CDH22: variants seen among roughly 807,000 people sequenced by gnomAD.
CDH22 encodes cadherin 22, also known as cadherin-22.
In CDH22, 30 loss-of-function variants were observed where a neutral mutation model predicts 58.4. The observed-to-expected ratio is 0.51, with a 90% CI of 0.38 to 0.70. The LOEUF is 0.70. Ranked by LOEUF, CDH22 falls within the 30% of genes least tolerant of loss-of-function variation. The pLI is 0.00. For missense variants in CDH22, 1,014 were observed against 1,233.9 expected (o/e 0.82, Z 2.67); for synonymous variants, 513 against 558.2 (o/e 0.92, Z 1.14).
intron 3 of CDH22, among the ~76,000 whole-genome samples, chr20:46,228,553 G>A (rs1033233401): frequency 6.6e-6 from 1 of 152,098 alleles, no homozygotes; most frequent in Non-Finnish European, 1.5e-5. Context: ...TAGACCAGGT[G>A]GGGGTGGGGG....
intron 8 of CDH22, among the ~76,000 whole-genome samples, chr20:46,188,153 G>A (rs899656925): frequency 6.6e-6 from 1 of 152,188 alleles, no homozygotes; most frequent in African/African-American, 2.4e-5. Context: ...TGGAAAAATT[G>A]AGACTGCAGG....
At position 46,227,600 on chromosome 20, in the gene CDH22, G is replaced by A. The variant is rs774541182; in HGVS notation, c.578C>T (p.Ser193Leu). The A allele has an allele frequency of 1.2e-6, 2 of 1,613,024 alleles. No homozygotes were observed. Among genetic ancestry groups the A allele is most frequent in the East Asian group, 2.2e-5 (1 of 44,838 alleles). ...GCCGTACGTGGGGTCATCCGCATCC[G>A]AGGCCATCACCTGCATCACCGACGT... Reference protein sequence around the residue: ...TGTSVMQVMASDADDPTYGSS... With the variant: ...TGTSVMQVMALDADDPTYGSS... Residue 193 changes from serine to leucine, a missense_variant, in exon 4 of 12, where the codon TCG (serine) becomes TTG (leucine). Coordinates refer to ENST00000537909, the MANE Select transcript of CDH22 (RefSeq NM_021248.3).
At chr20:46,215,877 G>C (rs2145694998) in intron 5 of CDH22, among the ~76,000 whole-genome samples, 1 of 152,280 alleles carries the variant, frequency 6.6e-6, no homozygotes, top group Admixed American at 6.5e-5. Context: ...GCTGGGCTGG[G>C]AGATTGGGCA....
chr20:46,271,902 G>A (rs1051444306), intron 1 of CDH22, among the ~76,000 whole-genome samples: 1 of 152,166 alleles, frequency 6.6e-6, no homozygotes, highest in Non-Finnish European at 1.5e-5. Context: ...TGAAGCCCAA[G>A]GATAAACATA....
intron 4 of CDH22, among the ~76,000 whole-genome samples, chr20:46,226,413 G>C (rs1263184077): frequency 6.6e-6 from 1 of 151,390 alleles, no homozygotes; most frequent in African/African-American, 2.4e-5. Context: ...AGCCTCCTGA[G>C]TAGCTGGGAC....
At position 46,241,916 on chromosome 20, in the gene CDH22, T is replaced by A. The variant is rs1233099805; in HGVS notation, c.256-659A>T. Among the ~76,000 whole-genome samples, 5 of 152,204 alleles carry A rather than the reference T, an allele frequency of 3.3e-5. No individual in the cohort carries two copies. Among genetic ancestry groups the A allele is most frequent in the African/African-American group, 9.6e-5 (4 of 41,458 alleles). On this transcript the variant is annotated intron_variant, in intron 2 of 11. Transcript: ENST00000537909. The surrounding 1 kb of genome is among the most constrained non-coding windows in gnomAD (Gnocchi z 5.2). ...GGCCAGGCCTCAGACTTTGCATTTCTAACAAACTTCCAGGCTGCTGGTCCA... is the reference window on the plus strand; with the variant it reads ...GGCCAGGCCTCAGACTTTGCATTTCAAACAAACTTCCAGGCTGCTGGTCCA...
chr20:46,177,971 G>C lies in CDH22; in HGVS notation c.1890C>G (p.Leu630=), dbSNP rs745795688. 2 of 1,613,992 alleles carry C rather than the reference G, an allele frequency of 1.2e-6. No homozygotes were observed. The highest frequency in any genetic ancestry group is 1.6e-4 in the Middle Eastern group (1 of 6,062). The change falls in exon 11 of 12, where the codon CTC becomes CTG. Residue 630 remains leucine (L), a synonymous_variant. Coordinates refer to ENST00000537909, the MANE Select transcript of CDH22 (RefSeq NM_021248.3). ...ASLSPGALIA[L]LVCVLILVVL... ...CAACCAGGATGAGAACGCAGACCAAGAGGGCGATGAGGGCGCCGGGGCTGA... is the reference window on the plus strand; with the variant it reads ...CAACCAGGATGAGAACGCAGACCAACAGGGCGATGAGGGCGCCGGGGCTGA...
At chr20:46,203,993 T>C (rs970540682) in intron 7 of CDH22, among the ~76,000 whole-genome samples, 8 of 152,034 alleles carry the variant, frequency 5.3e-5, no homozygotes, top group Non-Finnish European at 1.2e-4. Flanking sequence ...CTGGGAATGG[T>C]GCTTAGGGGT....
chr20:46,227,446 C>T (rs1023029976), intron 4 of CDH22, 62 bp downstream of exon 4: 10 of 1,409,148 alleles, frequency 7.1e-6, no homozygotes, highest in African/African-American at 4.3e-5. Context: ...GGGTGGTCCT[C>T]GTCCCGCCCC....
intron 1 of CDH22, among the ~76,000 whole-genome samples, chr20:46,260,666 G>A (rs1287264896): frequency 6.6e-6 from 1 of 152,180 alleles, no homozygotes; most frequent in Non-Finnish European, 1.5e-5. Context: ...GGGCATCACT[G>A]CTGCTGCTTG....
At chr20:46,221,490 T>C (rs1411371948) in intron 4 of CDH22, among the ~76,000 whole-genome samples, 1 of 152,152 alleles carries the variant, frequency 6.6e-6, no homozygotes, top group East Asian at 1.9e-4. Flanking sequence ...CATCCTCCAG[T>C]AGGCTGGCTT....
At chr20:46,180,969 G>A (rs2085780224) in intron 10 of CDH22, among the ~76,000 whole-genome samples, 1 of 135,652 alleles carries the variant, frequency 7.4e-6, no homozygotes, top group African/African-American at 2.9e-5. Context: ...TGTGTGTACA[G>A]ATGAGGTCTC....
chr20:46,204,410 AAAAAAAAAG>A (rs1437112217), intron 7 of CDH22, among the ~76,000 whole-genome samples: 121 of 151,204 alleles, frequency 8.0e-4, no homozygotes, highest in African/African-American at 2.8e-3. Context: ...AAAAAAAAAA[AAAAAAAAAG>A]AGAGAGAGAC....
intron 10 of CDH22, among the ~76,000 whole-genome samples, chr20:46,183,225 T>C (rs1231545701): frequency 6.6e-6 from 1 of 152,122 alleles, no homozygotes; most frequent in African/African-American, 2.4e-5. Flanking sequence ...CTGTTGACAC[T>C]AAGCCCCCCA....
At chr20:46,289,407 G>C (rs1013164377) in intron 1 of CDH22, among the ~76,000 whole-genome samples, 12 of 152,126 alleles carry the variant, frequency 7.9e-5, no homozygotes, top group Admixed American at 7.2e-4. Flanking sequence ...TGATTTTAGG[G>C]GTGTTGTCTT....
At chr20:46,275,067 A>G (rs971845212) in intron 1 of CDH22, among the ~76,000 whole-genome samples, 1 of 152,192 alleles carries the variant, frequency 6.6e-6, no homozygotes, top group Non-Finnish European at 1.5e-5. Flanking sequence ...TGTGCTTACA[A>G]TGGGTGAATT....
intron 1 of CDH22, among the ~76,000 whole-genome samples, chr20:46,254,934 TGTTGG>T (rs2086399249): frequency 1.3e-5 from 2 of 152,150 alleles, no homozygotes; most frequent in Non-Finnish European, 2.9e-5. Context: ...GAATTTGGGG[TGTTGG>T]GGAGGAGAAG....
At chr20:46,223,350 C>G (rs1295322544) in intron 4 of CDH22, among the ~76,000 whole-genome samples, 2 of 152,162 alleles carry the variant, frequency 1.3e-5, no homozygotes, top group African/African-American at 4.8e-5. Context: ...TGGCCCTTCT[C>G]TTATTTCTAT....
chr20:46,227,374 A>G, intron 4 of CDH22, 134 bp downstream of exon 4: 1 of 833,262 alleles, frequency 1.2e-6, no homozygotes, highest in African/African-American at 1.7e-5. Flanking sequence ...CCTGCTGTGC[A>G]CAAGGTGCCC....
Sources: allele counts gnomAD v4.1 joint callset (sites outside exome capture counted in the v4.1 genomes callset), GRCh38; gene constraint gnomAD v4.1.1; non-coding constraint Gnocchi (gnomAD v3.1); transcripts MANE v1.5; gene names NCBI Gene and HGNC (gene_info 2026-07-23, HGNC 2026-07-21).